The following AGRN variants were observed in gnomAD, a reference collection of about 807,000 sequenced individuals.
AGRN encodes the protein agrin proteoglycan.
In AGRN, 106 loss-of-function variants were observed where a neutral mutation model predicts 211.0. The ratio of observed to expected loss-of-function variants is 0.50; its 90% CI spans 0.43 to 0.59. The LOEUF is 0.59. AGRN is among the 20% of genes least tolerant of loss of function. AGRN has a pLI of 0.00. For synonymous variants in AGRN, 1,525 were observed against 1,332.5 expected (o/e 1.14, Z -3.15); for missense variants, 3,040 against 2,982.6 (o/e 1.02, Z -0.45).
In AGRN at chr1:1,046,947, C is replaced by T; in HGVS notation, c.3378C>T (p.Ser1126=). 6.3e-7 allele frequency: 1 copy of T among 1,579,464 alleles called. No individual in the cohort carries two copies. Among genetic ancestry groups the T allele is most frequent in the Non-Finnish European group, 8.6e-7 (1 of 1,163,562 alleles). The part of the protein sequence containing the change: ...GKTPSLDAEG[S]NCPATKVFQG... ...CGCCCTCGCTGGACGCAGAGGGCTC[C>T]AACTGCCCCGGTGAGTGGACGGCTG... The change falls in exon 19 of 36, where the codon TCC becomes TCT. Residue 1126 remains serine (S), a synonymous_variant. Transcript: ENST00000379370.
chr1:1,022,085 C>G, intron 1 of AGRN, 116 bp from the exon 2 acceptor site: 1 of 1,359,082 alleles, frequency 7.4e-7, no homozygotes, highest in Non-Finnish European at 1.0e-6. Flanking sequence ...GGTCTCCCCA[C>G]ATCTCTGCCC....
chr1:1,027,417 T>G (rs1644544297), intron 2 of AGRN, among the ~76,000 whole-genome samples: 1 of 152,196 alleles, frequency 6.6e-6, no homozygotes, highest in Non-Finnish European at 1.5e-5. Flanking sequence ...TGGGTGACCC[T>G]GGCCTGTCCA....
chr1:1,041,867 G>A, intron 6 of AGRN, 89 bp from the exon 7 acceptor site: 1 of 1,577,782 alleles, frequency 6.3e-7, no homozygotes, highest in Non-Finnish European at 8.6e-7. Flanking sequence ...CTCTGGGAGG[G>A]CCGCCTGCTC....
rs1487291781 is a variant in AGRN at position 1,049,013 on chromosome 1, A to G, written c.4252A>G (p.Lys1418Glu). 7.0e-6 allele frequency: 11 copies of G among 1,578,926 alleles called. No homozygotes were observed. Among genetic ancestry groups the G allele is most frequent in the South Asian group, 2.3e-5 (2 of 86,446 alleles). ...LLLYNGNARGKDFLALALLDG... is the reference protein window; with the variant it reads ...LLLYNGNARGEDFLALALLDG... ...GCTGTACAATGGCAACGCCCGGGGC[A>G]AGGACTTCCTGGCATTGGCGCTGCT... The change falls in exon 24 of 36, where the codon AAG (lysine) becomes GAG (glutamate). Residue 1418 changes from lysine to glutamate, a missense_variant. By Grantham distance (56) the Lys-to-Glu change is moderately conservative. This residue lies in a region of AGRN where 1,537 missense variants were observed against 1,505.0 expected (regional missense o/e 1.02). Coordinates refer to ENST00000379370, the MANE Select transcript of AGRN (RefSeq NM_198576.4).
intron 27 of AGRN, 28 bp downstream of exon 27, chr1:1,050,065 G>C: frequency 7.7e-7 from 1 of 1,300,686 alleles, no homozygotes; most frequent in Non-Finnish European, 1.0e-6. Flanking sequence ...CTCGGGGCAG[G>C]GGGGGGGGGG....
intron 2 of AGRN, 26 bp from the exon 3 acceptor site, chr1:1,035,251 T>C: frequency 1.9e-6 from 3 of 1,611,878 alleles, no homozygotes; most frequent in Non-Finnish European, 1.7e-6. Flanking sequence ...CAGAGGAGCC[T>C]AACTTGGGGA....
At chr1:1,030,605 G>GTA (rs1644645902) in intron 2 of AGRN, among the ~76,000 whole-genome samples, 2 of 23,648 alleles carry the variant, frequency 8.5e-5, no homozygotes, top group Non-Finnish European at 1.0e-4. Context: ...TGAGATCAGC[G>GTA]TGTGTGTGTG....
chr1:1,036,061 G>A (rs1421660979), intron 3 of AGRN, among the ~76,000 whole-genome samples: 3 of 152,134 alleles, frequency 2.0e-5, no homozygotes, highest in Non-Finnish European at 4.4e-5. Context: ...GGTGGGGAAG[G>A]AGCACCTGCC....
Position 1,045,249 on chromosome 1 carries a change from C to T in AGRN, c.2343C>T (p.Ala781=), listed in dbSNP as rs1343019232. 2 of 1,611,830 alleles carry T rather than the reference C, an allele frequency of 1.2e-6. No individual in the cohort carries two copies. The change falls in exon 13 of 36, where the codon GCC becomes GCT. Residue 781 remains alanine, a synonymous_variant. Transcript: ENST00000379370. ...YGCCQDNITA[A]RGVGLAGCPS... ...GCTGCCAGGACAATATCACCGCAGC[C>T]CGGGGCGTGGGCCTGGCTGGCTGCC... is the stretch of plus-strand genomic sequence containing the variant.
At position 1,054,515 on chromosome 1, in the gene AGRN, G is replaced by A. The variant is rs768666839; in HGVS notation, c.5944G>A (p.Ala1982Thr). 1.2e-5 allele frequency: 19 copies of A among 1,603,196 alleles called. No homozygotes were observed. The highest frequency in any genetic ancestry group is 1.9e-4 in the Middle Eastern group (1 of 5,142). The change falls in exon 35 of 36, where the codon GCC becomes ACC. Residue 1982 changes from alanine (A) to threonine (T), a missense_variant. Around this residue, in one of 3 missense-constraint regions of AGRN, gnomAD observed 1,537 missense variants for 1,505.0 expected, o/e 1.02. Transcript: ENST00000379370. ...APVTGSSPLG[A>T]TQLDTDGALW... ...TGTGACCGGCTCCTCCCCGCTGGGCGCCACGCAGCTGGACACTGATGGAGC... is the reference window on the plus strand; with the variant it reads ...TGTGACCGGCTCCTCCCCGCTGGGCACCACGCAGCTGGACACTGATGGAGC...
chr1:1,053,705 T>A (rs776320769), intron 33 of AGRN, 48 bp from the exon 34 acceptor site: 6 of 1,536,392 alleles, frequency 3.9e-6, no homozygotes, highest in Non-Finnish European at 5.3e-6. Flanking sequence ...CCCCACCCTG[T>A]CCTGTTGCCA....
rs530741045 is a variant in AGRN, at chr1:1,050,950, G to A, written c.5253+113G>A. 360 of 1,546,116 alleles carry A rather than the reference G, an allele frequency of 2.3e-4. 2 individuals carry two copies. Among genetic ancestry groups the A allele is most frequent in the Middle Eastern group, 1.2e-3 (7 of 5,986 alleles). ...GCTGTTTTTCTGTCCTGTTCTCTTGGCCGCCTGCCCTGTCCTCTGCCTCCT... is the reference window on the plus strand; with the variant it reads ...GCTGTTTTTCTGTCCTGTTCTCTTGACCGCCTGCCCTGTCCTCTGCCTCCT... On this transcript the variant is annotated intron_variant, in intron 30 of 35. Coordinates refer to ENST00000379370, the MANE Select transcript of AGRN (RefSeq NM_198576.4).
intron 2 of AGRN, among the ~76,000 whole-genome samples, chr1:1,026,762 C>T (rs1570144494): frequency 6.6e-6 from 1 of 152,186 alleles, no homozygotes; most frequent in African/African-American, 2.4e-5. Flanking sequence ...GATGGAACCC[C>T]GGGGTCCCAG....
Position 1,046,824 on chromosome 1 carries a change from C to A in AGRN, c.3255C>A (p.Leu1085=), listed in dbSNP as rs775823409. Residue 1085 remains leucine (L), a synonymous_variant, in exon 19 of 36, where the codon CTC becomes CTA. Transcript: ENST00000379370. ...QEASGGGSGG[L]EPLEGSSVAT... is the part of the protein sequence containing the mutation. ...GCTCAGAGCGCGTCTCCCCAGGGCT[C>A]GAGCCCTTGGAGGGCAGCAGCGTGG... 7.0e-6 allele frequency: 11 copies of A among 1,582,114 alleles called. No homozygotes were observed. Among genetic ancestry groups the A allele is most frequent in the Non-Finnish European group, 9.4e-6 (11 of 1,168,040 alleles).
intron 3 of AGRN, among the ~76,000 whole-genome samples, chr1:1,040,086 CGGTGGGGCTCTCAGGCCCCTGAGG>C (rs898115992): frequency 2.6e-5 from 4 of 152,176 alleles, no homozygotes; most frequent in African/African-American, 9.6e-5. Flanking sequence ...CACCCCGTCC[CGGTGGGGCTCTCAGGCCCCTGAGG>C]GCCAGACGCG....
intron 33 of AGRN, 179 bp downstream of exon 33, chr1:1,051,994 G>A (rs574687616): frequency 2.4e-5 from 37 of 1,542,376 alleles, no homozygotes; most frequent in South Asian, 1.7e-4. Flanking sequence ...GTTTCCAAGC[G>A]AACTGGCCAA....
rs577652694 is a variant in AGRN at position 1,034,238 on chromosome 1, G to C, written c.464-1039G>C. 106 of 985,476 alleles carry C rather than the reference G, an allele frequency of 1.1e-4. No homozygotes were observed. The African/African-American group carries it at 1.7e-3, about 16-fold the overall frequency. 61.0% of individuals were successfully genotyped at this position (985,476 alleles called of 1,614,324 possible). On this transcript the variant is annotated intron_variant, in intron 2 of 35. Coordinates refer to ENST00000379370, the MANE Select transcript of AGRN (RefSeq NM_198576.4). ...GCTCCGGGGGCTCCGGGAAGACCGA[G>C]CGCTGGCGGCCAGCCCGGGGAGGCT... is the stretch of plus-strand genomic sequence containing the variant.
At chr1:1,039,557 C>T (rs929668557) in intron 3 of AGRN, among the ~76,000 whole-genome samples, 6 of 152,054 alleles carry the variant, frequency 3.9e-5, no homozygotes, top group Non-Finnish European at 7.4e-5. Flanking sequence ...CGGACCCTTC[C>T]CTGATCCTGG....
intron 3 of AGRN, among the ~76,000 whole-genome samples, chr1:1,038,986 C>T (rs959060339): frequency 1.6e-4 from 25 of 152,304 alleles, no homozygotes; most frequent in African/African-American, 5.8e-4. Flanking sequence ...TGGCAGCAGA[C>T]GGGCCACATA....
Sources: gnomAD v4.1 joint callset for allele counts (sites outside exome capture counted in the v4.1 genomes callset) on GRCh38, gnomAD v4.1.1 for gene constraint, gnomAD v4.1.1 regional missense constraint, MANE v1.5 for transcripts, NCBI Gene and HGNC (gene_info 2026-07-23, HGNC 2026-07-21) for gene names.